Variants in WWC1 observed in about 807,000 individuals in gnomAD.
The protein encoded by WWC1 is WW and C2 domain containing 1, also known as protein KIBRA.
A neutral mutation model predicts 138.4 loss-of-function variants in WWC1; 55 were observed. The ratio of observed to expected loss-of-function variants is 0.40; its 90% CI spans 0.32 to 0.50. WWC1 has a LOEUF of 0.50. Ranked by LOEUF, WWC1 falls within the 20% of genes least tolerant of loss-of-function variation. The pLI is 0.72. For synonymous variants in WWC1, 524 were observed against 564.9 expected (o/e 0.93, Z 1.03); for missense variants, 1,226 against 1,420.4 (o/e 0.86, Z 2.20).
intron 16 of WWC1, 38 bp downstream of exon 16, chr5:168,441,872 C>T (rs375809830): frequency 4.4e-6 from 7 of 1,596,654 alleles, no homozygotes; most frequent in African/African-American, 2.7e-5. Flanking sequence ...CCCACAAGGC[C>T]GCACCCGGAT....
intron 5 of WWC1, among the ~76,000 whole-genome samples, chr5:168,403,874 A>G (rs1206729887): frequency 1.5e-5 from 1 of 67,232 alleles, no homozygotes; most frequent in Non-Finnish European, 2.8e-5. Flanking sequence ...ACATGCATAC[A>G]CACACACACA....
At chr5:168,339,961 C>CTCTCTG (rs1773887377) in intron 1 of WWC1, among the ~76,000 whole-genome samples, 1 of 131,446 alleles carries the variant, frequency 7.6e-6, no homozygotes, top group African/African-American at 2.9e-5. Flanking sequence ...CTCTCCCTCT[C>CTCTCTG]TCTCTCTGTC....
chr5:168,366,822 T>G (rs1403503863), intron 1 of WWC1, among the ~76,000 whole-genome samples: 2 of 108,790 alleles, frequency 1.8e-5, no homozygotes, highest in South Asian at 5.7e-4. Context: ...TTTTTTTTTT[T>G]TTTTTGAGAT....
At chr5:168,390,126 C>T (rs1034526378) in intron 3 of WWC1, among the ~76,000 whole-genome samples, 3 of 152,104 alleles carry the variant, frequency 2.0e-5, no homozygotes, top group African/African-American at 7.2e-5. Flanking sequence ...CAAGTTATGC[C>T]ACTTCTGTGT....
intron 6 of WWC1, among the ~76,000 whole-genome samples, chr5:168,406,577 G>A (rs577332995): frequency 6.6e-6 from 1 of 152,266 alleles, no homozygotes; most frequent in Non-Finnish European, 1.5e-5. Flanking sequence ...CTAGTCCAAA[G>A]GCCACATCCT....
chr5:168,453,016 G>A (rs1192116369), intron 17 of WWC1, among the ~76,000 whole-genome samples: 3 of 152,212 alleles, frequency 2.0e-5, no homozygotes, highest in South Asian at 2.1e-4. Context: ...CTTGAGCCCA[G>A]TAGTTTGAGA....
chr5:168,298,032 G>A (rs1769712145), intron 1 of WWC1, among the ~76,000 whole-genome samples: 1 of 151,966 alleles, frequency 6.6e-6, no homozygotes, highest in African/African-American at 2.4e-5. Context: ...AACAAGCTTT[G>A]TTTTATTTTA....
At chr5:168,363,400 T>C (rs1017760589) in intron 1 of WWC1, among the ~76,000 whole-genome samples, 1 of 151,760 alleles carries the variant, frequency 6.6e-6, no homozygotes, top group African/African-American at 2.4e-5. Context: ...GGCGGGCACC[T>C]GTAGTCCCAG....
intron 1 of WWC1, among the ~76,000 whole-genome samples, chr5:168,368,858 G>A (rs1451392267): frequency 2.6e-5 from 4 of 152,190 alleles, no homozygotes; most frequent in African/African-American, 7.2e-5. Flanking sequence ...GGTGGCGGGT[G>A]GCCTGGAGAC....
chr5:168,334,987 C>T (rs1314473058), intron 1 of WWC1, among the ~76,000 whole-genome samples: 1 of 152,146 alleles, frequency 6.6e-6, no homozygotes, highest in African/African-American at 2.4e-5. Flanking sequence ...CTAGGAGGAG[C>T]CTGCAGGGAA....
At chr5:168,376,171 A>T (rs1289817067) in intron 2 of WWC1, among the ~76,000 whole-genome samples, 2 of 151,902 alleles carry the variant, frequency 1.3e-5, no homozygotes, top group Non-Finnish European at 2.9e-5. Flanking sequence ...CTCCTGCCTC[A>T]GCCTCCTGAA....
At chr5:168,465,397 C>T (rs1390496257) in intron 21 of WWC1, among the ~76,000 whole-genome samples, 1 of 120,496 alleles carries the variant, frequency 8.3e-6, no homozygotes, top group East Asian at 2.0e-4. Flanking sequence ...GCTGGTCACA[C>T]CAGGGCCTTC....
chr5:168,425,905 A>G (rs1414434983), intron 11 of WWC1, among the ~76,000 whole-genome samples: 1 of 152,188 alleles, frequency 6.6e-6, no homozygotes, highest in Non-Finnish European at 1.5e-5. Flanking sequence ...GACTGGCACA[A>G]GGACCACCTG....
chr5:168,303,193 T>A (rs1481657169), intron 1 of WWC1, among the ~76,000 whole-genome samples: 1 of 152,200 alleles, frequency 6.6e-6, no homozygotes, highest in African/African-American at 2.4e-5. Flanking sequence ...GCCAACACTG[T>A]CTACCTGCAT....
At chr5:168,293,022 G>A (rs1038923704) in intron 1 of WWC1, among the ~76,000 whole-genome samples, 23 of 152,172 alleles carry the variant, frequency 1.5e-4, no homozygotes, top group Middle Eastern at 3.2e-3. Context: ...TTCCCTGATC[G>A]GGGAAGGGGG....
intron 1 of WWC1, among the ~76,000 whole-genome samples, chr5:168,339,977 T>G (rs540717895): frequency 4.7e-4 from 50 of 105,354 alleles, no homozygotes. Flanking sequence ...CTGTCTCTCT[T>G]TCTCTCTTTC....
At chr5:168,466,917 T>TAA (rs397881654) in intron 21 of WWC1, among the ~76,000 whole-genome samples, 2,630 of 139,020 alleles carry the variant, frequency 0.019, 76 homozygotes, top group African/African-American at 0.065. Flanking sequence ...TTTCAAATAG[T>TAA]AAAAAAAAAA....
rs113514621 is a variant in WWC1 at position 168,397,832 on chromosome 5, T to C, written c.510+32T>C. ...CCTCTTCACCTATGCTATGTGCTAG[T>C]GATTGGGGCCACTGAGGTCTTAGGC... is the stretch of plus-strand genomic sequence containing the variant. On this transcript the variant is annotated intron_variant, in intron 4 of 22. Coordinates refer to ENST00000265293, the MANE Select transcript of WWC1 (RefSeq NM_015238.3). The C allele has an allele frequency of 1.1e-5, 17 of 1,613,034 alleles. No individual in the cohort carries two copies. In the African/African-American group the frequency reaches 2.0e-4, roughly 19 times the overall value.
At chr5:168,356,424 G>A (rs1205399584) in intron 1 of WWC1, among the ~76,000 whole-genome samples, 2 of 152,350 alleles carry the variant, frequency 1.3e-5, no homozygotes, top group Non-Finnish European at 1.5e-5. Context: ...AGGCTCTTAT[G>A]TGTTGGTGTC....
Sources: allele counts gnomAD v4.1 joint callset (sites outside exome capture counted in the v4.1 genomes callset), GRCh38; gene constraint gnomAD v4.1.1; transcripts MANE v1.5; gene names NCBI Gene and HGNC (gene_info 2026-07-23, HGNC 2026-07-21).